MGA: variants seen among roughly 807,000 people sequenced by gnomAD.
The protein encoded by MGA is MAX dimerization protein MGA, also known as MAX gene-associated protein.
MGA carries 40 observed loss-of-function variants against 261.1 expected under a neutral mutation model. The ratio of observed to expected loss-of-function variants is 0.15; its 90% confidence interval spans 0.12 to 0.20. MGA has a LOEUF of 0.20. Ranked by LOEUF, MGA falls within the 10% of genes least tolerant of loss-of-function variation. The probability of loss-of-function intolerance (pLI) is 1.00; values close to 1 mark genes in which losing one functional copy is unlikely to be tolerated. For synonymous variants in MGA, 1,302 were observed against 1,290.6 expected, an observed-to-expected ratio of 1.01 and a Z score of -0.19; for missense variants, 3,397 against 3,630.5, an observed-to-expected ratio of 0.94 and a Z score of 1.65.
intron 2 of MGA, among the ~76,000 whole-genome samples, chr15:41,679,509 G>A (rs1338637764): frequency 1.3e-5 from 2 of 152,094 alleles, no homozygotes; most frequent in South Asian, 2.1e-4. Context: ...AAAGTGTTTT[G>A]CTTTCTTAGT....
chr15:41,727,000 G>A (rs2061285645), intron 9 of MGA, among the ~76,000 whole-genome samples, 180 bp from the exon 10 acceptor site: 1 of 152,120 alleles, frequency 6.6e-6, no homozygotes, highest in African/African-American at 2.4e-5. Context: ...ATTTAAAGAT[G>A]AATAAATGAA....
In MGA at chr15:41,696,709, G is replaced by A; in HGVS notation, c.1699G>A (p.Asp567Asn). 4.3e-6 allele frequency: 7 copies of A among 1,612,586 alleles called. No individual in the cohort carries two copies. The highest frequency in any genetic ancestry group is 2.2e-5 in the East Asian group (1 of 44,860). ...CAGCATTAGCACAGAAAGAATACTC[G>A]ACGATTCAAAGGATTCAGTTGGAGA... The change falls in exon 3 of 24, where the codon GAC becomes AAC. Residue 567 changes from aspartate to asparagine, a missense_variant. Physicochemically the swap from Asp to Asn is conservative, Grantham distance 23. Transcript: ENST00000219905.
At chr15:41,668,054 TC>T (rs890138698) in intron 1 of MGA, among the ~76,000 whole-genome samples, 3 of 152,020 alleles carry the variant, frequency 2.0e-5, no homozygotes, top group Non-Finnish European at 4.4e-5. Context: ...TCCACTGGCC[TC>T]AGCCTCTCAA....
intron 11 of MGA, among the ~76,000 whole-genome samples, chr15:41,734,252 C>T (rs2061658556): frequency 6.6e-6 from 1 of 151,714 alleles, no homozygotes; most frequent in Non-Finnish European, 1.5e-5. Flanking sequence ...TTTCATTTAA[C>T]AGTAAATATG....
chr15:41,643,274 G>A (rs1471525840), intron 1 of MGA, among the ~76,000 whole-genome samples: 2 of 145,564 alleles, frequency 1.4e-5, no homozygotes, highest in African/African-American at 2.5e-5. Flanking sequence ...GGAGTCTCAC[G>A]CTGTGGCCCA....
chr15:41,673,052 T>C (rs780979283), intron 2 of MGA, among the ~76,000 whole-genome samples: 3 of 152,204 alleles, frequency 2.0e-5, no homozygotes, highest in Non-Finnish European at 2.9e-5. Flanking sequence ...TTATTTTTGC[T>C]TCCTTGGCTT....
At chr15:41,623,715 G>A (rs1411481932) in intron 1 of MGA, among the ~76,000 whole-genome samples, 1 of 143,516 alleles carries the variant, frequency 7.0e-6, no homozygotes, top group African/African-American at 2.6e-5. Context: ...CAACAAGAGC[G>A]AAACTCCGTC....
At chr15:41,621,827 G>A (rs919491643) in intron 1 of MGA, among the ~76,000 whole-genome samples, 5 of 152,214 alleles carry the variant, frequency 3.3e-5, no homozygotes, top group African/African-American at 9.6e-5. Context: ...AGGTTCGACC[G>A]GGCCCTGACG....
At chr15:41,703,925 A>C (rs2059981686) in intron 5 of MGA, among the ~76,000 whole-genome samples, 1 of 152,090 alleles carries the variant, frequency 6.6e-6, no homozygotes, top group South Asian at 2.1e-4. Flanking sequence ...ATCACATGTC[A>C]GCCCCCCAAG....
rs1454170446 is a variant in MGA at position 41,750,270 on chromosome 15, C to T, written c.6663C>T (p.Ile2221=). ...ATGTGTTTCAGCAAGAACAAGGCAT[C>T]TCTGACTTACTTGGAAAAAGTGGAA... is the stretch of plus-strand genomic sequence containing the variant. The change falls in exon 17 of 24, where the codon ATC becomes ATT. Residue 2221 remains isoleucine (I), a synonymous_variant. Coordinates refer to ENST00000219905, the MANE Select transcript of MGA (RefSeq NM_001164273.2). The T allele has an allele frequency of 6.2e-7, 1 of 1,613,962 alleles. No homozygotes were observed. The highest frequency in any genetic ancestry group is 1.7e-5 in the Admixed American group (1 of 60,024).
chr15:41,708,143 A>T lies in MGA; in HGVS notation c.2360A>T (p.Asn787Ile), dbSNP rs377434868. 1.2e-6 allele frequency: 2 copies of T among 1,600,964 alleles called. No individual in the cohort carries two copies. Among genetic ancestry groups the T allele is most frequent in the Non-Finnish European group, 1.7e-6 (2 of 1,173,424 alleles). Reference sequence around the variant, plus strand: ...TTTGTTTCTAGGACAGGGAAAACCAATGATTTCACTAAGATCAAGGGATGG... The same window carrying T: ...TTTGTTTCTAGGACAGGGAAAACCATTGATTTCACTAAGATCAAGGGATGG... Residue 787 changes from asparagine (N) to isoleucine (I), a missense_variant, in exon 7 of 24, where the codon AAT becomes ATT. By Grantham distance (149) the Asn-to-Ile change is moderately radical. Transcript: ENST00000219905.
At chr15:41,656,793 G>A (rs1284474367), upstream of MGA, among the ~76,000 whole-genome samples, 1 of 151,974 alleles carries the variant, frequency 6.6e-6, no homozygotes, top group Non-Finnish European at 1.5e-5. Context: ...AAGAGACAGG[G>A]TTGGGGGGTA....
intron 15 of MGA, among the ~76,000 whole-genome samples, chr15:41,744,766 A>G (rs767645488): frequency 6.6e-5 from 10 of 152,194 alleles, no homozygotes; most frequent in Non-Finnish European, 1.2e-4. Flanking sequence ...CTCAGACTTC[A>G]GTTATTCAGG....
At chr15:41,673,224 T>A (rs1355110354) in intron 2 of MGA, among the ~76,000 whole-genome samples, 2 of 152,094 alleles carry the variant, frequency 1.3e-5, no homozygotes, top group Non-Finnish European at 2.9e-5. Flanking sequence ...TCTTTCTTTT[T>A]TTTTCTTTTT....
In MGA at chr15:41,742,785, A is replaced by G. The variant is rs200022330; in HGVS notation, c.4825A>G (p.Thr1609Ala). The change falls in exon 15 of 24, where the codon ACT becomes GCT. Residue 1609 changes from threonine (T) to alanine (A), a missense_variant. Physicochemically the swap from Thr to Ala is moderately conservative, Grantham distance 58. Coordinates refer to ENST00000219905, the MANE Select transcript of MGA (RefSeq NM_001164273.2). Reference sequence around the variant, plus strand: ...CACCCCTCAAGTGTTTTTAGAAAATACTACTGCTGTGACACCTATGACTGC... The same window carrying G: ...CACCCCTCAAGTGTTTTTAGAAAATGCTACTGCTGTGACACCTATGACTGC... The G allele has an allele frequency of 8.3e-5, 134 of 1,613,966 alleles. 1 individual carries two copies. The highest frequency in any genetic ancestry group is 8.2e-4 in the Middle Eastern group (5 of 6,062).
intron 9 of MGA, among the ~76,000 whole-genome samples, chr15:41,721,957 G>A (rs984785390): frequency 6.6e-6 from 1 of 151,912 alleles, no homozygotes; most frequent in Non-Finnish European, 1.5e-5. Flanking sequence ...AGAATAAACA[G>A]TAGTATGAAT....
At chr15:41,688,179 G>A (rs900737579) in intron 2 of MGA, among the ~76,000 whole-genome samples, 3 of 152,106 alleles carry the variant, frequency 2.0e-5, no homozygotes, top group Non-Finnish European at 4.4e-5. Flanking sequence ...GGGTTCAAGC[G>A]ATTCTCCTGC....
chr15:41,650,396 C>T (rs2057018341), intron 1 of MGA, among the ~76,000 whole-genome samples: 1 of 152,080 alleles, frequency 6.6e-6, no homozygotes. Flanking sequence ...TACTTGATAC[C>T]TCAGTGTCAG....
chr15:41,636,302 A>T (rs887754985), intron 1 of MGA, among the ~76,000 whole-genome samples: 35 of 149,742 alleles, frequency 2.3e-4, no homozygotes, highest in African/African-American at 5.9e-4. Context: ...ATTTTATTTT[A>T]TTTTTTTTGA....
Sources: gnomAD v4.1 joint callset for allele counts (sites outside exome capture counted in the v4.1 genomes callset) on GRCh38, gnomAD v4.1.1 for gene constraint, MANE v1.5 for transcripts, NCBI Gene and HGNC (gene_info 2026-07-23, HGNC 2026-07-21) for gene names.